The following PITPNB variants were observed in gnomAD, a reference collection of about 807,000 sequenced individuals.
PITPNB encodes the protein phosphatidylinositol transfer protein beta.
Under a neutral mutation model 45.9 loss-of-function variants are expected in PITPNB, and 16 were observed. That is an observed-to-expected ratio of 0.35 (90% confidence interval 0.24 to 0.53). PITPNB has a LOEUF of 0.53. Ranked by LOEUF, PITPNB falls within the 20% of genes least tolerant of loss-of-function variation. PITPNB has a pLI of 0.93. For synonymous variants in PITPNB, 112 were observed against 108.9 expected, an observed-to-expected ratio of 1.03 and a Z score of -0.18; for missense variants, 188 against 330.5, an observed-to-expected ratio of 0.57 and a Z score of 3.34.
chr22:27,885,212 TAAAAAAAAAAAAAAAAAAAAAAAAAAA>T (rs71194746), intron 7 of PITPNB, among the ~76,000 whole-genome samples: 31 of 30,234 alleles, frequency 1.0e-3, no homozygotes, highest in East Asian at 8.5e-3. Flanking sequence ...AATTTATACC[TAAAAAAAAAAAAAAAAAAAAAAAAAAA>T]AAAAAAAAAA....
At chr22:27,881,940 TGAAAA>T (rs987057181) in intron 7 of PITPNB, among the ~76,000 whole-genome samples, 3 of 152,198 alleles carry the variant, frequency 2.0e-5, no homozygotes, top group African/African-American at 7.2e-5. Context: ...TTTTTCATTT[TGAAAA>T]GAAAAAAGTT....
chr22:27,872,734 TG>T (rs1215722158), intron 8 of PITPNB, among the ~76,000 whole-genome samples: 3 of 152,176 alleles, frequency 2.0e-5, no homozygotes, highest in African/African-American at 4.8e-5. Flanking sequence ...ACAGACAGAC[TG>T]GTTACCAAGT....
chr22:27,872,248 C>T (rs149188618), intron 8 of PITPNB, among the ~76,000 whole-genome samples: 189 of 152,000 alleles, frequency 1.2e-3, no homozygotes, highest in Non-Finnish European at 2.3e-3. Flanking sequence ...CAAGCACCAT[C>T]GTGCCCAGCT....
intron 3 of PITPNB, among the ~76,000 whole-genome samples, chr22:27,901,704 T>A (rs1247043780): frequency 6.6e-6 from 1 of 151,932 alleles, no homozygotes; most frequent in Non-Finnish European, 1.5e-5. Flanking sequence ...GCCAACATGA[T>A]GAAACCCTGT....
intron 10 of PITPNB, 63 bp from the exon 11 acceptor site, chr22:27,855,002 G>A (rs1306778032): frequency 8.7e-7 from 1 of 1,147,272 alleles, no homozygotes; most frequent in East Asian, 2.4e-5. Context: ...TAGTAAGCAA[G>A]GGGAGAAAAA....
At chr22:27,914,235 C>A in intron 2 of PITPNB, 82 bp downstream of exon 2, 2 of 830,910 alleles carry the variant, frequency 2.4e-6, no homozygotes, top group South Asian at 2.9e-5. Flanking sequence ...TAAATCAATA[C>A]TACGAAAATG....
intron 3 of PITPNB, among the ~76,000 whole-genome samples, chr22:27,902,131 T>A (rs1384836090): frequency 6.6e-6 from 1 of 151,918 alleles, no homozygotes; most frequent in Non-Finnish European, 1.5e-5. Context: ...AAGAACAGGG[T>A]ACTGGGCAAT....
At chr22:27,919,014 T>C in intron 1 of PITPNB, 158 bp downstream of exon 1, 1 of 1,018,028 alleles carries the variant, frequency 9.8e-7, no homozygotes, top group Non-Finnish European at 1.5e-6. Context: ...GCGCACTCGC[T>C]GAGGGGCTTC....
intron 2 of PITPNB, among the ~76,000 whole-genome samples, chr22:27,911,853 C>T (rs1401515494): frequency 6.6e-6 from 1 of 152,170 alleles, no homozygotes; most frequent in Non-Finnish European, 1.5e-5. Context: ...CTGACAGTAG[C>T]TTCTATTTCA....
intron 7 of PITPNB, among the ~76,000 whole-genome samples, chr22:27,881,959 A>G (rs1443855566): frequency 6.6e-6 from 1 of 152,242 alleles, no homozygotes; most frequent in African/African-American, 2.4e-5. Flanking sequence ...AAAAGTTTTA[A>G]TATTATAAAG....
chr22:27,900,964 T>C (rs1935574861), intron 3 of PITPNB, among the ~76,000 whole-genome samples: 1 of 152,198 alleles, frequency 6.6e-6, no homozygotes. Flanking sequence ...GGAACAATTA[T>C]TAACTGAATT....
intron 3 of PITPNB, among the ~76,000 whole-genome samples, chr22:27,905,992 T>C (rs544137350): frequency 1.2e-4 from 18 of 152,168 alleles, no homozygotes; most frequent in Non-Finnish European, 2.5e-4. Context: ...AGAAACAAAC[T>C]TTAGTGGAAA....
chr22:27,861,116 A>AG, intron 8 of PITPNB, among the ~76,000 whole-genome samples: 2 of 150,606 alleles, frequency 1.3e-5, no homozygotes, highest in Middle Eastern at 7.1e-3. Context: ...AGATCACTTG[A>AG]GGTCAGGAGT....
At chr22:27,903,899 A>T (rs1346801170) in intron 3 of PITPNB, among the ~76,000 whole-genome samples, 5 of 152,194 alleles carry the variant, frequency 3.3e-5, no homozygotes, top group African/African-American at 1.2e-4. Context: ...AACATCATTA[A>T]TCACCAAGAA....
intron 10 of PITPNB, 118 bp from the exon 11 acceptor site, chr22:27,855,057 A>G (rs1406589855): frequency 2.9e-6 from 2 of 689,260 alleles, no homozygotes; most frequent in Non-Finnish European, 2.5e-6. Context: ...CCATATCCAC[A>G]TTAAGAATGA....
intron 8 of PITPNB, among the ~76,000 whole-genome samples, chr22:27,868,704 T>C (rs1934556152): frequency 6.6e-6 from 1 of 152,158 alleles, no homozygotes; most frequent in African/African-American, 2.4e-5. Context: ...AACATGTACA[T>C]AAAGATAATT....
chr22:27,916,881 T>A (rs536701040), intron 1 of PITPNB, among the ~76,000 whole-genome samples: 193 of 152,288 alleles, frequency 1.3e-3, no homozygotes, highest in African/African-American at 4.5e-3. Context: ...TATCTTCACA[T>A]AGGAATAAGC....
At chr22:27,904,083 A>G (rs1323968318) in intron 3 of PITPNB, among the ~76,000 whole-genome samples, 1 of 152,188 alleles carries the variant, frequency 6.6e-6, no homozygotes, top group Non-Finnish European at 1.5e-5. Flanking sequence ...CAAAAGGTTA[A>G]ACACAGAGTG....
At chr22:27,882,995 A>G (rs1935017730) in intron 7 of PITPNB, among the ~76,000 whole-genome samples, 1 of 152,244 alleles carries the variant, frequency 6.6e-6, no homozygotes, top group Non-Finnish European at 1.5e-5. Context: ...CCCTGTAAGT[A>G]CCCACACCAA....
Sources: allele counts gnomAD v4.1 joint callset (sites outside exome capture counted in the v4.1 genomes callset), GRCh38; gene constraint gnomAD v4.1.1; transcripts MANE v1.5; gene names NCBI Gene and HGNC (gene_info 2026-07-23, HGNC 2026-07-21).